The following CMC1 variants were observed in gnomAD, a reference collection of about 807,000 sequenced individuals.
CMC1 encodes the protein C-X9-C motif containing 1, also known as COX assembly mitochondrial protein homolog.
Under a neutral mutation model 14.1 loss-of-function variants are expected in CMC1, and 14 were observed. That is an observed-to-expected ratio of 0.99 (90% CI 0.66 to 1.55). The LOEUF is 1.55. Ranked by LOEUF, CMC1 falls within the 40% of genes most tolerant of loss-of-function variation. The probability of loss-of-function intolerance (pLI) is 0.00; values close to 1 mark genes in which losing one functional copy is unlikely to be tolerated. For synonymous variants in CMC1, 50 were observed against 38.4 expected (o/e 1.30, Z -1.12); for missense variants, 127 against 123.8 (o/e 1.03, Z -0.12).
chr3:28,284,871 G>C (rs950128797), intron 2 of CMC1, among the ~76,000 whole-genome samples: 20 of 151,938 alleles, frequency 1.3e-4, no homozygotes, highest in African/African-American at 4.8e-4. Context: ...AAACTCTTAG[G>C]GAATAAGAAA....
At chr3:28,278,380 A>T (rs80091590) in intron 2 of CMC1, among the ~76,000 whole-genome samples, 1,595 of 152,302 alleles carry the variant, frequency 0.01, 27 homozygotes, top group African/African-American at 0.037. Context: ...AAACCACTTT[A>T]TCAGACAGTA....
At chr3:28,317,025 G>GA (rs1401959108) in intron 3 of CMC1, 1 of 151,984 alleles carries the variant, frequency 6.6e-6, no homozygotes, top group Non-Finnish European at 1.5e-5. Flanking sequence ...CCACATTATT[G>GA]ACAGATAAGA....
chr3:28,311,919 ACATTATGTTTAAAGTAC>A (rs1244619081), intron 2 of CMC1, among the ~76,000 whole-genome samples: 9 of 152,182 alleles, frequency 5.9e-5, no homozygotes, highest in Admixed American at 5.9e-4. Flanking sequence ...GATCTTTTCT[ACATTATGTTTAAAGTAC>A]CTCTCTGCTT....
At chr3:28,309,821 C>CCACACACACACACACACACACA (rs57499697) in intron 2 of CMC1, among the ~76,000 whole-genome samples, 17 of 131,790 alleles carry the variant, frequency 1.3e-4, no homozygotes, top group African/African-American at 4.5e-4. Context: ...CTGATATTTA[C>CCACACACACACACACACACACA]CACACACACA....
intron 2 of CMC1, among the ~76,000 whole-genome samples, chr3:28,313,328 T>C (rs1702735070): frequency 6.6e-6 from 1 of 152,198 alleles, no homozygotes. Context: ...CTCTCCGCAT[T>C]CCTACTGTTT....
chr3:28,289,767 A>C (rs1243478910), intron 2 of CMC1, among the ~76,000 whole-genome samples: 1 of 152,118 alleles, frequency 6.6e-6, no homozygotes, highest in Non-Finnish European at 1.5e-5. Flanking sequence ...GGAAAACAAC[A>C]TCATGCTTTT....
At chr3:28,307,203 C>T (rs1324416631) in intron 2 of CMC1, among the ~76,000 whole-genome samples, 1 of 152,122 alleles carries the variant, frequency 6.6e-6, no homozygotes, top group Admixed American at 6.5e-5. Context: ...TTACATTATA[C>T]TTCATGAAAA....
At chr3:28,319,254 T>G in intron 3 of CMC1, 2 of 523,432 alleles carry the variant, frequency 3.8e-6, no homozygotes, top group Non-Finnish European at 7.4e-6. Flanking sequence ...TACTTGTCCT[T>G]TACACCGTGG....
At chr3:28,287,064 T>C (rs1701223061) in intron 2 of CMC1, among the ~76,000 whole-genome samples, 1 of 152,152 alleles carries the variant, frequency 6.6e-6, no homozygotes, top group African/African-American at 2.4e-5. Flanking sequence ...TTTTCAGGTA[T>C]TATTTGGTGA....
chr3:28,250,881 C>G (rs1347744941), intron 1 of CMC1, among the ~76,000 whole-genome samples: 1 of 152,154 alleles, frequency 6.6e-6, no homozygotes, highest in African/African-American at 2.4e-5. Context: ...TACCATTGTT[C>G]AGGATATTTT....
rs139641067 is a variant in CMC1, at chr3:28,271,834, C to T, written c.109+8454C>T. 1.3e-3 allele frequency among the ~76,000 whole-genome samples: 200 copies of T among 152,290 alleles called. 1 individual carries two copies. Among genetic ancestry groups the T allele is most frequent in the African/African-American group, 4.6e-3 (192 of 41,570 alleles). ...ACTTTGGGCAGTATGGCCATTTTCA[C>T]GACATTGATTCTTCCTATCCATGAG... On this transcript the variant is annotated intron_variant, in intron 2 of 3. Coordinates refer to ENST00000466830, the MANE Select transcript of CMC1 (RefSeq NM_182523.2).
At chr3:28,302,279 A>G (rs1041839959) in intron 2 of CMC1, among the ~76,000 whole-genome samples, 1 of 152,196 alleles carries the variant, frequency 6.6e-6, no homozygotes, top group Non-Finnish European at 1.5e-5. Context: ...CAAAGCATCT[A>G]CTAGTGGCAA....
chr3:28,324,271 T>A lies in CMC1; in HGVS notation c.*4642T>A. The A allele has an allele frequency of 6.2e-7, 1 of 1,609,190 alleles. No homozygotes were observed. Among genetic ancestry groups the A allele is most frequent in the East Asian group, 2.2e-5 (1 of 44,786 alleles). The stretch of plus-strand genomic sequence containing the variant: ...GGATCTCTCATTGTCTGTCCATGAT[T>A]GGAGGATTGCTTTCTCTGATAAAAC... On this transcript the variant is annotated 3_prime_UTR_variant, in exon 4 of 4. Coordinates refer to ENST00000466830, the MANE Select transcript of CMC1 (RefSeq NM_182523.2).
chr3:28,264,319 A>C (rs1053912925), intron 2 of CMC1, among the ~76,000 whole-genome samples: 1 of 152,122 alleles, frequency 6.6e-6, no homozygotes, highest in African/African-American at 2.4e-5. Context: ...GGACTGGGTC[A>C]ATAACATTTG....
intron 2 of CMC1, among the ~76,000 whole-genome samples, chr3:28,313,138 G>A (rs1273997768): frequency 6.6e-6 from 1 of 152,038 alleles, no homozygotes; most frequent in Non-Finnish European, 1.5e-5. Context: ...TTACAGGCGT[G>A]AGCCACCGTG....
intron 2 of CMC1, among the ~76,000 whole-genome samples, chr3:28,299,380 T>C (rs1031071540): frequency 1.3e-5 from 2 of 152,146 alleles, no homozygotes; most frequent in African/African-American, 2.4e-5. Flanking sequence ...TTAATTGAGT[T>C]GGAGGTATTA....
Position 28,324,103 on chromosome 3 carries a change from G to A in CMC1, c.*4474G>A, listed in dbSNP as rs1703287720. 1 of 1,610,008 alleles carries A rather than the reference G, an allele frequency of 6.2e-7. No homozygotes were observed. The highest frequency in any genetic ancestry group is 1.3e-5 in the African/African-American group (1 of 74,546). On this transcript the variant is annotated 3_prime_UTR_variant, in exon 4 of 4. Coordinates refer to ENST00000466830, the MANE Select transcript of CMC1 (RefSeq NM_182523.2). ...CAAGTAATGCAGTGGTGGAAGGTTG[G>A]GTAAAGGCAAAGTTTTAGTTTTAGT...
chr3:28,285,977 G>C (rs934994323), intron 2 of CMC1, among the ~76,000 whole-genome samples: 2 of 152,096 alleles, frequency 1.3e-5, no homozygotes, highest in Admixed American at 6.5e-5. Context: ...GTGTTAGCCA[G>C]AATGGCCTTG....
intron 2 of CMC1, among the ~76,000 whole-genome samples, chr3:28,282,919 C>T (rs983512360): frequency 2.0e-5 from 3 of 152,060 alleles, no homozygotes; most frequent in Non-Finnish European, 2.9e-5. Flanking sequence ...TAAGAAAATC[C>T]GATTTGACTT....
Sources: gnomAD v4.1 joint callset for allele counts (sites outside exome capture counted in the v4.1 genomes callset) on GRCh38, gnomAD v4.1.1 for gene constraint, MANE v1.5 for transcripts, NCBI Gene and HGNC (gene_info 2026-07-23, HGNC 2026-07-21) for gene names.